The following CTSS variants were observed in gnomAD, a reference collection of about 807,000 sequenced individuals.
CTSS encodes cathepsin S.
A neutral mutation model predicts 39.9 loss-of-function variants in CTSS; 15 were observed. The ratio of observed to expected loss-of-function variants is 0.38; its 90% CI spans 0.25 to 0.58. The LOEUF is 0.58. Among genes scored for constraint, CTSS ranks in the 20% least tolerant of loss-of-function variants. The probability of loss-of-function intolerance (pLI) is 0.70; values close to 1 mark genes in which losing one functional copy is unlikely to be tolerated. For synonymous variants in CTSS, 126 were observed against 138.2 expected, an observed-to-expected ratio of 0.91 and a Z score of 0.62; for missense variants, 250 against 398.2, an observed-to-expected ratio of 0.63 and a Z score of 3.17.
At chr1:150,765,101 C>CTCT (rs753088029) in intron 1 of CTSS, among the ~76,000 whole-genome samples, 117 of 132,262 alleles carry the variant, frequency 8.8e-4, no homozygotes, top group Middle Eastern at 3.8e-3. Flanking sequence ...CTCTCTCTCT[C>CTCT]AAAAAAAAAA....
chr1:150,755,211 A>G (rs1653095802), intron 3 of CTSS, 61 bp from the exon 4 acceptor site: 1 of 1,559,842 alleles, frequency 6.4e-7, no homozygotes, highest in South Asian at 1.1e-5. Flanking sequence ...TGAGAAATGC[A>G]TCGTTAGGTG....
At chr1:150,747,756 T>C (rs759933150) in intron 7 of CTSS, 21 bp downstream of exon 7, 1 of 1,493,228 alleles carries the variant, frequency 6.7e-7, no homozygotes, top group East Asian at 2.3e-5. Flanking sequence ...TCCAATTAAA[T>C]ATAAAGTGTA....
At chr1:150,754,107 T>C (rs1201760983) in intron 4 of CTSS, among the ~76,000 whole-genome samples, 1 of 141,776 alleles carries the variant, frequency 7.1e-6, no homozygotes, top group Admixed American at 7.6e-5. Flanking sequence ...CATCCTCCTA[T>C]ACACTTTTTT....
chr1:150,744,893 A>G (rs1571096904), intron 7 of CTSS, among the ~76,000 whole-genome samples: 1 of 151,856 alleles, frequency 6.6e-6, no homozygotes, highest in South Asian at 2.1e-4. Context: ...ACTAAAAGAT[A>G]TAGATGATCT....
chr1:150,743,504 TATATATATATATATATTTATAA>T (rs996276438), intron 7 of CTSS, among the ~76,000 whole-genome samples: 1 of 140,218 alleles, frequency 7.1e-6, no homozygotes, highest in African/African-American at 2.6e-5. Flanking sequence ...GAGATATATA[TATATATATATATATATTTATAA>T]ATATATTTAT....
intron 7 of CTSS, among the ~76,000 whole-genome samples, chr1:150,737,816 A>G (rs746061689): frequency 2.0e-4 from 31 of 152,334 alleles, no homozygotes; most frequent in Admixed American, 4.6e-4. Flanking sequence ...GTTAAGAGAC[A>G]GGGCTCAATT....
rs922729234 is a variant in CTSS, at chr1:150,760,312, A to C, written c.127-2332T>G. The stretch of plus-strand genomic sequence containing the variant: ...ATTTGACAGAATTCAACATCCTTTC[A>C]TAACAAACATTCTCAACAAATTACA... On this transcript the variant is annotated intron_variant, in intron 2 of 7. Transcript: ENST00000368985. Among the ~76,000 whole-genome samples, 3 of 152,228 alleles carry C rather than the reference A, an allele frequency of 2.0e-5. No individual in the cohort carries two copies. The South Asian group carries it at 6.2e-4, about 31-fold the overall frequency.
At chr1:150,755,469 G>A (rs1653103660) in intron 3 of CTSS, among the ~76,000 whole-genome samples, 1 of 152,240 alleles carries the variant, frequency 6.6e-6, no homozygotes, top group Non-Finnish European at 1.5e-5. Flanking sequence ...GCTGGGCATG[G>A]TGGCTCACGC....
chr1:150,747,141 T>C (rs748600471), intron 7 of CTSS, among the ~76,000 whole-genome samples: 1 of 152,144 alleles, frequency 6.6e-6, no homozygotes, highest in Non-Finnish European at 1.5e-5. Flanking sequence ...GACTAATTGG[T>C]TGCTTGGTTG....
At chr1:150,743,691 T>C (rs1161347392) in intron 7 of CTSS, among the ~76,000 whole-genome samples, 1 of 77,894 alleles carries the variant, frequency 1.3e-5, no homozygotes, top group Non-Finnish European at 2.4e-5. Flanking sequence ...ATATGTATAT[T>C]ATGTATACAT....
intron 5 of CTSS, among the ~76,000 whole-genome samples, chr1:150,750,890 C>T (rs1652993917): frequency 6.6e-6 from 1 of 152,128 alleles, no homozygotes; most frequent in African/African-American, 2.4e-5. Context: ...AATCCTCCCA[C>T]CTCGACCTCC....
At chr1:150,758,686 G>A (rs1653185515) in intron 2 of CTSS, among the ~76,000 whole-genome samples, 1 of 151,852 alleles carries the variant, frequency 6.6e-6, no homozygotes, top group Non-Finnish European at 1.5e-5. Context: ...GATGACTGGT[G>A]TGTGCCACTG....
chr1:150,751,866 T>A lies in CTSS; in HGVS notation c.542A>T (p.Asn181Ile). 6.2e-7 allele frequency: 1 copy of A among 1,614,208 alleles called. No individual in the cohort carries two copies. The highest frequency in any genetic ancestry group is 8.5e-7 in the Non-Finnish European group (1 of 1,180,038). ...STEKYGNKGC[N>I]GGFMTTAFQY... is the part of the protein sequence containing the mutation. The stretch of plus-strand genomic sequence containing the variant: ...GAAAGCCGTTGTCATGAAGCCACCA[T>A]TGCAGCCTTTGTTTCCATATTTTTC... Residue 181 changes from asparagine (N) to isoleucine (I), a missense_variant, in exon 5 of 8, where the codon AAT becomes ATT. By Grantham distance (149) the Asn-to-Ile change is moderately radical (BLOSUM62 -3). Coordinates refer to ENST00000368985, the MANE Select transcript of CTSS (RefSeq NM_004079.5).
rs777879777 is a variant in CTSS, at chr1:150,747,865, G to A, written c.808C>T (p.Pro270Ser). The change falls in exon 7 of 8, where the codon CCA (proline) becomes TCA (serine). Residue 270 changes from proline to serine, a missense_variant. Physicochemically the swap from Pro to Ser is moderately conservative, Grantham distance 74 (BLOSUM62 -1). Transcript: ENST00000368985. The part of the protein sequence containing the change: ...FLYRSGVYYE[P>S]SCTQNVNHGV... ...TGATTCACATTCTGAGTACAGGATG[G>A]TTCATAGTAGACACCTGAGAATCAA... The A allele has an allele frequency of 1.2e-6, 2 of 1,611,020 alleles. No individual in the cohort carries two copies. Among genetic ancestry groups the A allele is most frequent in the African/African-American group, 1.3e-5 (1 of 74,938 alleles).
chr1:150,755,194 T>A (rs1653095562), intron 3 of CTSS, 44 bp from the exon 4 acceptor site: 3 of 1,596,006 alleles, frequency 1.9e-6, no homozygotes, highest in Non-Finnish European at 2.6e-6. Context: ...ATGACTGGAA[T>A]ATGTTCTGAG....
intron 4 of CTSS, among the ~76,000 whole-genome samples, chr1:150,754,655 T>C (rs1032869086): frequency 1.3e-5 from 2 of 152,186 alleles, no homozygotes; most frequent in African/African-American, 4.8e-5. Context: ...CTGGAACTCC[T>C]GGCCTCAGGT....
chr1:150,746,008 C>T (rs749235471), intron 7 of CTSS, among the ~76,000 whole-genome samples: 17 of 152,190 alleles, frequency 1.1e-4, no homozygotes, highest in Admixed American at 6.6e-5. Context: ...TGAAAGTTTA[C>T]ACTCTTTGAT....
At chr1:150,757,657 G>A (rs587749503) in intron 3 of CTSS, among the ~76,000 whole-genome samples, 142 of 151,852 alleles carry the variant, frequency 9.4e-4, no homozygotes, top group African/African-American at 3.2e-3. Flanking sequence ...GAAGTGATTT[G>A]TTAAAGAAAG....
At position 150,751,823 on chromosome 1, in the gene CTSS, G is replaced by C; in HGVS notation, c.585C>G (p.Asn195Lys). The change falls in exon 5 of 8, where the codon AAC (asparagine) becomes AAG (lysine). Residue 195 changes from asparagine to lysine, a missense_variant. By Grantham distance (94) the Asn-to-Lys change is moderately conservative. Transcript: ENST00000368985. ...AGGAAGCGTCTGAGTCGATGCCCTT[G>C]TTATCAATGATGTACTGGAAAGCCG... The part of the protein sequence containing the change: ...MTTAFQYIID[N>K]KGIDSDASYP... 6.2e-7 allele frequency: 1 copy of C among 1,614,156 alleles called. No homozygotes were observed. Among genetic ancestry groups the C allele is most frequent in the Non-Finnish European group, 8.5e-7 (1 of 1,180,034 alleles).
Sources: allele counts gnomAD v4.1 joint callset (sites outside exome capture counted in the v4.1 genomes callset), GRCh38; gene constraint gnomAD v4.1.1; transcripts MANE v1.5; gene names NCBI Gene and HGNC (gene_info 2026-07-23, HGNC 2026-07-21).